The following CDH12 variants were observed in gnomAD, a reference collection of about 807,000 sequenced individuals.
CDH12 encodes cadherin-12.
CDH12 carries 41 observed loss-of-function variants against 74.1 expected under a neutral mutation model. The ratio of observed to expected loss-of-function variants is 0.55; its 90% CI spans 0.43 to 0.72. The LOEUF (loss-of-function observed/expected upper bound fraction) is 0.72. CDH12 is among the 30% of genes least tolerant of loss of function. CDH12 has a pLI of 0.00. For synonymous variants in CDH12, 399 were observed against 355.0 expected, an observed-to-expected ratio of 1.12 and a Z score of -1.39; for missense variants, 945 against 977.2, an observed-to-expected ratio of 0.97 and a Z score of 0.44.
chr5:22,359,625 A>G (rs1170231727), intron 3 of CDH12, among the ~76,000 whole-genome samples: 2 of 152,218 alleles, frequency 1.3e-5, no homozygotes, highest in South Asian at 2.1e-4. Flanking sequence ...AAGAGAATAA[A>G]CATTCTTCTC....
rs116082333 is a variant in CDH12 at position 21,850,625 on chromosome 5, C to T, written c.646+4046G>A. Among the ~76,000 whole-genome samples, 827 of 151,306 alleles carry T rather than the reference C, an allele frequency of 5.5e-3. 10 individuals carry two copies. Among genetic ancestry groups the T allele is most frequent in the African/African-American group, 0.019 (777 of 41,390 alleles). Reference sequence around the variant, plus strand: ...TCGGTCAAGCTATAGGAGGAGGTTTCGTTGGGAGATAGGCTTGAAGATAAT... The same window carrying T: ...TCGGTCAAGCTATAGGAGGAGGTTTTGTTGGGAGATAGGCTTGAAGATAAT... On this transcript the variant is annotated intron_variant, in intron 7 of 14. Coordinates refer to ENST00000382254, the MANE Select transcript of CDH12 (RefSeq NM_004061.5).
chr5:22,806,597 G>A (rs561340579), intron 1 of CDH12, among the ~76,000 whole-genome samples: 2 of 151,930 alleles, frequency 1.3e-5, no homozygotes, highest in East Asian at 3.9e-4. Flanking sequence ...CTCGTGATCC[G>A]CCCGCCTCGG....
intron 1 of CDH12, among the ~76,000 whole-genome samples, chr5:22,585,306 G>A (rs1257125554): frequency 6.6e-6 from 1 of 152,002 alleles, no homozygotes; most frequent in Non-Finnish European, 1.5e-5. Context: ...CTCTTTTCTT[G>A]CTATTTAAAA....
chr5:22,530,252 T>G (rs987025090), intron 1 of CDH12, among the ~76,000 whole-genome samples: 4 of 152,138 alleles, frequency 2.6e-5, no homozygotes, highest in African/African-American at 9.6e-5. Context: ...AAAATACTTG[T>G]AAGAGCATAT....
intron 11 of CDH12, among the ~76,000 whole-genome samples, chr5:21,773,057 T>C (rs1745405424): frequency 6.6e-6 from 1 of 152,132 alleles, no homozygotes; most frequent in South Asian, 2.1e-4. Flanking sequence ...TAGCATATAA[T>C]AATGAGAAAA....
rs1299530971 is a variant in CDH12 at position 21,849,505 on chromosome 5, T to C, written c.646+5166A>G. ...TTTATCTTAATAATTATTTATTTCC[T>C]TGACACAGTTTTCTTTCCTTATATT... On this transcript the variant is annotated intron_variant, in intron 7 of 14. Coordinates refer to ENST00000382254, the MANE Select transcript of CDH12 (RefSeq NM_004061.5). Among the ~76,000 whole-genome samples, 4 of 151,818 alleles carry C rather than the reference T, an allele frequency of 2.6e-5. No homozygotes were observed. In the Admixed American group the frequency reaches 2.6e-4, roughly 10 times the overall value.
At chr5:22,796,896 G>T (rs989760740) in intron 1 of CDH12, among the ~76,000 whole-genome samples, 1 of 152,046 alleles carries the variant, frequency 6.6e-6, no homozygotes, top group Non-Finnish European at 1.5e-5. Context: ...TATATCATAG[G>T]AGGAAAAGCA....
At chr5:21,753,665 C>T (rs1744222435) in intron 14 of CDH12, among the ~76,000 whole-genome samples, 1 of 151,658 alleles carries the variant, frequency 6.6e-6, no homozygotes, top group African/African-American at 2.4e-5. Context: ...TTTAAGCAGA[C>T]CCTATGACAG....
At chr5:22,848,833 ATCTG>A (rs1221556520) in intron 1 of CDH12, among the ~76,000 whole-genome samples, 1 of 152,072 alleles carries the variant, frequency 6.6e-6, no homozygotes, top group African/African-American at 2.4e-5. Flanking sequence ...TTTGTAGATA[ATCTG>A]TCTTTCTTCC....
intron 5 of CDH12, among the ~76,000 whole-genome samples, chr5:21,977,971 T>A (rs1757140697): frequency 6.6e-6 from 1 of 152,154 alleles, no homozygotes; most frequent in Admixed American, 6.5e-5. Context: ...ATTAGGCAGA[T>A]GGGTGGTAGC....
chr5:22,710,965 T>C (rs1347300997), intron 1 of CDH12, among the ~76,000 whole-genome samples: 1 of 152,176 alleles, frequency 6.6e-6, no homozygotes, highest in Non-Finnish European at 1.5e-5. Flanking sequence ...TATTGTCTGG[T>C]CACTATGCCT....
chr5:22,492,964 C>G (rs1413285273), intron 2 of CDH12, among the ~76,000 whole-genome samples: 1 of 152,212 alleles, frequency 6.6e-6, no homozygotes, highest in African/African-American at 2.4e-5. Context: ...TTCCAGACAA[C>G]TTATCAGATA....
chr5:21,789,902 T>C (rs183854580), intron 10 of CDH12, among the ~76,000 whole-genome samples: 25 of 152,228 alleles, frequency 1.6e-4, no homozygotes, highest in East Asian at 1.2e-3. Flanking sequence ...ATGTTGTTTG[T>C]ACATAGCACC....
In CDH12 at chr5:21,842,202, G is replaced by T. The variant is rs1208753156; in HGVS notation, c.773C>A (p.Thr258Asn). Residue 258 changes from threonine (T) to asparagine (N), a missense_variant, in exon 8 of 15, where the codon ACT (threonine) becomes AAT (asparagine). Thr to Asn is a moderately conservative substitution (Grantham distance 65, BLOSUM62 0). Around this residue, in one of 3 missense-constraint regions of CDH12, gnomAD observed 791 missense variants for 792.8 expected, o/e 1.00. Transcript: ENST00000382254. ...TGGATTGTCATTGACATCGGTGAGA[G>T]TGATGTTGACTATTGTTGTTCCGGC... is the stretch of plus-strand genomic sequence containing the variant. ...GLAGTTIVNI[T>N]LTDVNDNPPR... 6.2e-7 allele frequency: 1 copy of T among 1,613,224 alleles called. No individual in the cohort carries two copies. The highest frequency in any genetic ancestry group is 1.3e-5 in the African/African-American group (1 of 74,846).
chr5:22,020,949 T>C (rs1737934110), intron 5 of CDH12, among the ~76,000 whole-genome samples: 1 of 152,148 alleles, frequency 6.6e-6, no homozygotes, highest in South Asian at 2.1e-4. Flanking sequence ...GTGAGTGCTG[T>C]TTTTATTACT....
chr5:22,723,389 G>A (rs1288472038), intron 1 of CDH12, among the ~76,000 whole-genome samples: 1 of 152,064 alleles, frequency 6.6e-6, no homozygotes, highest in Non-Finnish European at 1.5e-5. Context: ...TTTCTGTAAT[G>A]TGCCCAATGT....
intron 4 of CDH12, among the ~76,000 whole-genome samples, chr5:22,127,672 G>A (rs1477632857): frequency 6.6e-6 from 1 of 152,106 alleles, no homozygotes; most frequent in Non-Finnish European, 1.5e-5. Flanking sequence ...TTCTGAAATT[G>A]CAAATTATTT....
chr5:22,540,300 A>G (rs1051951544), intron 1 of CDH12, among the ~76,000 whole-genome samples: 2 of 152,112 alleles, frequency 1.3e-5, no homozygotes, highest in Non-Finnish European at 2.9e-5. Context: ...ATGTATTTCA[A>G]GAGAAAACTA....
chr5:22,333,713 T>C (rs1289222264), intron 3 of CDH12, among the ~76,000 whole-genome samples: 2 of 152,180 alleles, frequency 1.3e-5, no homozygotes, highest in Admixed American at 6.5e-5. Flanking sequence ...TTTTAACGAA[T>C]ATTGATACAA....
Sources: allele counts gnomAD v4.1 joint callset (sites outside exome capture counted in the v4.1 genomes callset), GRCh38; gene constraint gnomAD v4.1.1; regional missense constraint gnomAD v4.1.1; transcripts MANE v1.5; gene names NCBI Gene and HGNC (gene_info 2026-07-23, HGNC 2026-07-21).